Variants in FBXO38 observed in about 807,000 individuals in gnomAD.
FBXO38 encodes the protein F-box protein 38, also known as F-box only protein 38.
In FBXO38, 53 loss-of-function variants were observed where a neutral mutation model predicts 131.9. The observed-to-expected ratio is 0.40, with a 90% CI of 0.32 to 0.51. FBXO38 has a LOEUF of 0.51. Ranked by LOEUF, FBXO38 falls within the 20% of genes least tolerant of loss-of-function variation. The pLI, the probability that FBXO38 is intolerant of heterozygous loss-of-function variation, is 0.53. For synonymous variants in FBXO38, 452 were observed against 505.6 expected (o/e 0.89, Z 1.42); for missense variants, 1,076 against 1,475.6 (o/e 0.73, Z 4.44).
chr5:148,435,442 C>G (rs1219528948), intron 17 of FBXO38, among the ~76,000 whole-genome samples: 1 of 152,210 alleles, frequency 6.6e-6, no homozygotes, highest in Non-Finnish European at 1.5e-5. Context: ...ACGTGACTTC[C>G]TCACCAAGCT....
intron 2 of FBXO38, among the ~76,000 whole-genome samples, chr5:148,398,457 T>C (rs906391750): frequency 8.7e-6 from 1 of 114,648 alleles, no homozygotes; most frequent in Non-Finnish European, 1.6e-5. Context: ...AAAAAAAAAA[T>C]GGGAAAAGAA....
At chr5:148,410,118 A>C (rs1018123975) in intron 8 of FBXO38, 3 of 152,206 alleles carry the variant, frequency 2.0e-5, no homozygotes, top group African/African-American at 7.2e-5. Flanking sequence ...AGGAAGTGGG[A>C]GGGAAGTTGT....
chr5:148,395,325 A>T (rs1208159105), intron 2 of FBXO38, among the ~76,000 whole-genome samples: 2 of 152,142 alleles, frequency 1.3e-5, no homozygotes, highest in Non-Finnish European at 2.9e-5. Context: ...GAGAAACATA[A>T]CATGTAAGTG....
chr5:148,419,082 T>G (rs1753245023), intron 12 of FBXO38, among the ~76,000 whole-genome samples: 3 of 152,208 alleles, frequency 2.0e-5, no homozygotes. Flanking sequence ...CTAGGACTGT[T>G]GTCAAGTATA....
chr5:148,410,760 T>C lies in FBXO38; in HGVS notation c.1088T>C (p.Leu363Pro). ...CTAGGATATGTAGATGAGTTTTTGC[T>C]ACAGAGTAAGATTTATCCCATTTTA... is the stretch of plus-strand genomic sequence containing the variant. ...LHLGYVDEFL[L>P]QSRMANADLV... The change falls in exon 9 of 22, where the codon CTA (leucine) becomes CCA (proline). Residue 363 changes from leucine (L) to proline (P), a missense_variant. Leu to Pro is a moderately conservative substitution (Grantham distance 98). Transcript: ENST00000340253. 1 of 1,608,936 alleles carries C rather than the reference T, an allele frequency of 6.2e-7. No homozygotes were observed. The highest frequency in any genetic ancestry group is 8.5e-7 in the Non-Finnish European group (1 of 1,178,618).
rs1318832961 is a variant in FBXO38, at chr5:148,427,845, C to T, written c.2551C>T (p.Gln851Ter). ...ATGEDRRGSS[Q>*]PESCDVQSNE... ...AGGTGAGGACAGGAGGGGGAGCTCC[C>T]AGCCTGAGAGTTGTGACGTGCAGTC... The change falls in exon 15 of 22, where the codon CAG becomes TAG. Residue 851 changes from glutamine (Q) to a stop codon, truncating the protein, a stop_gained. Transcript: ENST00000340253. LOFTEE classifies it high-confidence loss of function. 1.3e-6 allele frequency: 2 copies of T among 1,598,162 alleles called. No individual in the cohort carries two copies. Among genetic ancestry groups the T allele is most frequent in the Non-Finnish European group, 1.7e-6 (2 of 1,172,828 alleles).
At chr5:148,433,197 G>C in intron 15 of FBXO38, 1 of 422,546 alleles carries the variant, frequency 2.4e-6, no homozygotes, top group Non-Finnish European at 4.3e-6. Flanking sequence ...GGATGACCTA[G>C]GCATGAGAAG....
intron 6 of FBXO38, 57 bp from the exon 7 acceptor site, chr5:148,406,200 G>T: frequency 6.9e-7 from 1 of 1,441,948 alleles, no homozygotes; most frequent in South Asian, 1.5e-5. Context: ...TCACTGATTT[G>T]AAATTCATTT....
At position 148,415,785 on chromosome 5, in the gene FBXO38, C is replaced by A. The variant is rs933720267; in HGVS notation, c.1265-143C>A. On this transcript the variant is annotated intron_variant, in intron 10 of 21. Transcript: ENST00000340253. ...GTATGTAAACATCATAATTTAGAAT[C>A]ATCGGGTTTTAGAAGTCATGAAAAA... The A allele has an allele frequency of 2.8e-5, 21 of 759,072 alleles. No homozygotes were observed. In the South Asian group the frequency reaches 3.5e-4, roughly 13 times the overall value. The allele number at this position is 759,072 out of a possible 1,614,324, so 47.0% of individuals were successfully genotyped here.
At chr5:148,391,864 TTTG>T (rs893855586) in intron 1 of FBXO38, among the ~76,000 whole-genome samples, 2 of 152,206 alleles carry the variant, frequency 1.3e-5, no homozygotes, top group African/African-American at 4.8e-5. Flanking sequence ...CGGTTAATAT[TTTG>T]TTGTCTTCTT....
intron 1 of FBXO38, among the ~76,000 whole-genome samples, chr5:148,390,623 A>G (rs1053473283): frequency 2.8e-4 from 43 of 152,334 alleles, no homozygotes; most frequent in African/African-American, 9.9e-4. Context: ...GGTTTTTGTC[A>G]GCTTCCTGGA....
intron 15 of FBXO38, among the ~76,000 whole-genome samples, chr5:148,429,302 T>C (rs557032833): frequency 4.2e-4 from 64 of 152,180 alleles, no homozygotes; most frequent in African/African-American, 1.4e-3. Flanking sequence ...CTTAGTTCAG[T>C]TGGAATTTTA....
At chr5:148,392,079 A>G (rs1758224616) in intron 1 of FBXO38, among the ~76,000 whole-genome samples, 1 of 152,184 alleles carries the variant, frequency 6.6e-6, no homozygotes, top group Non-Finnish European at 1.5e-5. Context: ...TTCAGTATAG[A>G]GTATAGCATG....
intron 6 of FBXO38, among the ~76,000 whole-genome samples, chr5:148,405,931 ATGAT>A (rs1422243505): frequency 6.6e-6 from 1 of 152,228 alleles, no homozygotes; most frequent in Non-Finnish European, 1.5e-5. Context: ...AGATGATTAA[ATGAT>A]TGAGCTGTTT....
intron 10 of FBXO38, 41 bp from the exon 11 acceptor site, chr5:148,415,887 T>A (rs1753025982): frequency 6.2e-7 from 1 of 1,609,138 alleles, no homozygotes; most frequent in Non-Finnish European, 8.5e-7. Flanking sequence ...ATGGGGAAAA[T>A]GTTACTTAGA....
At chr5:148,408,703 C>CT (rs1203618706) in intron 7 of FBXO38, among the ~76,000 whole-genome samples, 1 of 152,020 alleles carries the variant, frequency 6.6e-6, no homozygotes, top group African/African-American at 2.4e-5. Flanking sequence ...AATTTATGTT[C>CT]TTTTTTGTAG....
intron 1 of FBXO38, among the ~76,000 whole-genome samples, chr5:148,386,243 G>A (rs995306119): frequency 6.6e-6 from 1 of 152,190 alleles, no homozygotes; most frequent in African/African-American, 2.4e-5. Context: ...TGGAATGCAG[G>A]AAGACAACCA....
chr5:148,393,201 G>GTGTA (rs1481907397), intron 1 of FBXO38, among the ~76,000 whole-genome samples: 7 of 146,840 alleles, frequency 4.8e-5, no homozygotes, highest in Non-Finnish European at 8.9e-5. Flanking sequence ...GTGTGTGTGT[G>GTGTA]TGTGTGTGTG....
intron 7 of FBXO38, among the ~76,000 whole-genome samples, chr5:148,408,074 A>G (rs1485053555): frequency 6.6e-6 from 1 of 152,168 alleles, no homozygotes; most frequent in African/African-American, 2.4e-5. Context: ...ATGGGAGAAG[A>G]CTTGAATAGA....
Sources: gnomAD v4.1 joint callset for allele counts (sites outside exome capture counted in the v4.1 genomes callset) on GRCh38, gnomAD v4.1.1 for gene constraint, MANE v1.5 for transcripts, NCBI Gene and HGNC (gene_info 2026-07-23, HGNC 2026-07-21) for gene names.